Variants in DISC1 observed in about 807,000 individuals in gnomAD.
The protein encoded by DISC1 is disrupted in schizophrenia 1 protein.
DISC1 carries 57 observed loss-of-function variants against 84.5 expected under a neutral mutation model. The ratio of observed to expected loss-of-function variants is 0.67; its 90% CI spans 0.55 to 0.84. DISC1 has a LOEUF of 0.84. Ranked by LOEUF, DISC1 falls within the 40% of genes least tolerant of loss-of-function variation. The pLI, the probability that DISC1 is intolerant of heterozygous loss-of-function variation, is 0.00. For missense variants in DISC1, 1,000 were observed against 1,057.8 expected (o/e 0.95, Z 0.76); for synonymous variants, 411 against 415.2 (o/e 0.99, Z 0.12).
intron 9 of DISC1, among the ~76,000 whole-genome samples, chr1:231,884,937 C>T (rs1024229762): frequency 6.6e-6 from 1 of 152,084 alleles, no homozygotes; most frequent in Non-Finnish European, 1.5e-5. Flanking sequence ...TCCTTTGTCC[C>T]CTCCTCTCTT....
At chr1:231,665,307 A>ATT (rs76270376) in intron 1 of DISC1, among the ~76,000 whole-genome samples, 3 of 151,514 alleles carry the variant, frequency 2.0e-5, no homozygotes, top group South Asian at 2.1e-4. Flanking sequence ...CAGTTCTCAC[A>ATT]TTTTTTTTTG....
intron 8 of DISC1, among the ~76,000 whole-genome samples, chr1:231,806,597 A>T (rs1317346013): frequency 6.6e-6 from 1 of 152,212 alleles, no homozygotes; most frequent in Non-Finnish European, 1.5e-5. Flanking sequence ...GTCTGACCTA[A>T]CTGCCCAATG....
intron 9 of DISC1, among the ~76,000 whole-genome samples, chr1:231,825,687 C>T (rs903566320): frequency 6.6e-6 from 1 of 151,966 alleles, no homozygotes; most frequent in African/African-American, 2.4e-5. Context: ...TTTTTCAATG[C>T]CCCCAGGTAG....
chr1:231,947,274 G>T (rs1657427224), intron 9 of DISC1, among the ~76,000 whole-genome samples: 2 of 149,732 alleles, frequency 1.3e-5, no homozygotes, highest in Admixed American at 6.7e-5. Context: ...GACCAATGGA[G>T]CAGAACAGGG....
intron 9 of DISC1, chr1:231,818,772 G>T: frequency 7.5e-7 from 1 of 1,330,528 alleles, no homozygotes; most frequent in African/African-American, 1.5e-5. Context: ...TTTGCTAATA[G>T]CCTTGTTATT....
At chr1:231,737,792 T>C (rs1317236741) in intron 3 of DISC1, among the ~76,000 whole-genome samples, 1 of 152,262 alleles carries the variant, frequency 6.6e-6, no homozygotes, top group Non-Finnish European at 1.5e-5. Context: ...GGCTCCTTCC[T>C]GAGCTGGATA....
At chr1:231,834,090 A>C (rs1408247190) in intron 9 of DISC1, among the ~76,000 whole-genome samples, 1 of 152,180 alleles carries the variant, frequency 6.6e-6, no homozygotes, top group Non-Finnish European at 1.5e-5. Flanking sequence ...GGGATAAAGA[A>C]AAAGGAGCAT....
chr1:231,906,317 C>T (rs915192656), intron 9 of DISC1, among the ~76,000 whole-genome samples: 16 of 152,212 alleles, frequency 1.1e-4, no homozygotes, highest in Admixed American at 3.9e-4. Flanking sequence ...TCACCATGCC[C>T]GGTCAAGGGC....
chr1:232,026,762 C>CTTTTTTTTTTTTTT (rs545455868), intron 12 of DISC1, among the ~76,000 whole-genome samples: 2 of 110,876 alleles, frequency 1.8e-5, no homozygotes, highest in Admixed American at 2.0e-4. Context: ...TTTCTTTTTT[C>CTTTTTTTTTTTTTT]TTTTTTTTTT....
At chr1:231,800,024 C>A in intron 7 of DISC1, 84 bp from the exon 8 acceptor site, 2 of 999,408 alleles carry the variant, frequency 2.0e-6, no homozygotes, top group South Asian at 2.6e-5. Context: ...CTTACAAACC[C>A]AGAAATCTCT....
intron 9 of DISC1, among the ~76,000 whole-genome samples, chr1:231,925,198 G>A (rs538443465): frequency 5.3e-5 from 8 of 152,062 alleles, no homozygotes; most frequent in Admixed American, 1.3e-4. Context: ...GCCCCAACCC[G>A]AACACAGGAT....
intron 10 of DISC1, among the ~76,000 whole-genome samples, chr1:231,996,709 C>G (rs1014765131): frequency 2.6e-5 from 4 of 152,164 alleles, no homozygotes; most frequent in Non-Finnish European, 5.9e-5. Flanking sequence ...CACTAACATG[C>G]CTGGGTCTCA....
At chr1:231,637,360 A>G (rs2059288403) in intron 1 of DISC1, among the ~76,000 whole-genome samples, 1 of 152,190 alleles carries the variant, frequency 6.6e-6, no homozygotes, top group African/African-American at 2.4e-5. Context: ...TTTTTTATTT[A>G]TATAAATTTA....
intron 9 of DISC1, among the ~76,000 whole-genome samples, chr1:231,920,140 A>G (rs184311419): frequency 4.5e-3 from 682 of 152,330 alleles, no homozygotes; most frequent in Non-Finnish European, 7.4e-3. Flanking sequence ...ACCTTGCCAG[A>G]TGTCCCTTGG....
At chr1:231,899,912 T>C (rs2126024269) in intron 9 of DISC1, among the ~76,000 whole-genome samples, 1 of 152,340 alleles carries the variant, frequency 6.6e-6, no homozygotes, top group East Asian at 1.9e-4. Context: ...AGACACATAA[T>C]ATATACAACT....
intron 10 of DISC1, among the ~76,000 whole-genome samples, chr1:231,972,482 G>C (rs1387904681): frequency 6.6e-6 from 1 of 152,200 alleles, no homozygotes; most frequent in African/African-American, 2.4e-5. Context: ...CAGGTGGTGA[G>C]TGTTTAGGGC....
intron 9 of DISC1, among the ~76,000 whole-genome samples, chr1:231,893,437 T>C (rs200139535): frequency 2.0e-5 from 3 of 152,072 alleles, no homozygotes; most frequent in Non-Finnish European, 4.4e-5. Context: ...GAAAATTATC[T>C]TGGAAATTTA....
At chr1:231,999,498 C>T (rs1666381332) in intron 10 of DISC1, among the ~76,000 whole-genome samples, 1 of 152,140 alleles carries the variant, frequency 6.6e-6, no homozygotes, top group African/African-American at 2.4e-5. Flanking sequence ...TCCTGGCCTC[C>T]AACTCCCTTC....
intron 9 of DISC1, chr1:231,945,104 C>G (rs1349627738): frequency 6.6e-6 from 1 of 152,182 alleles, no homozygotes; most frequent in Non-Finnish European, 1.5e-5. Flanking sequence ...TAATAGACAT[C>G]TACAGAGCTC....
Sources: gnomAD v4.1 joint callset for allele counts (sites outside exome capture counted in the v4.1 genomes callset) on GRCh38, gnomAD v4.1.1 for gene constraint, MANE v1.5 for transcripts, NCBI Gene and HGNC (gene_info 2026-07-23, HGNC 2026-07-21) for gene names.